The following MON2 variants were observed in gnomAD, a reference collection of about 807,000 sequenced individuals.
The protein encoded by MON2 is MON2 regulator of endosome-to-Golgi trafficking, also known as protein MON2 homolog.
A neutral mutation model predicts 208.6 loss-of-function variants in MON2; 84 were observed. The observed-to-expected ratio is 0.40, with a 90% CI of 0.34 to 0.48. The LOEUF is 0.48. MON2 is among the 20% of genes least tolerant of loss of function. The probability of loss-of-function intolerance (pLI) is 0.59; values close to 1 mark genes in which losing one functional copy is unlikely to be tolerated. For missense variants in MON2, 1,611 were observed against 2,015.4 expected (o/e 0.80, Z 3.84); for synonymous variants, 660 against 694.0 (o/e 0.95, Z 0.77).
chr12:62,585,115 C>G (rs368280707), intron 32 of MON2, among the ~76,000 whole-genome samples, 179 bp from the exon 33 acceptor site: 4 of 43,368 alleles, frequency 9.2e-5, no homozygotes, highest in African/African-American at 4.1e-4. Flanking sequence ...ACACACAAAA[C>G]AAAAAAAAAC....
chr12:62,538,540 A>G (rs780826781), intron 19 of MON2, 35 bp downstream of exon 19: 1 of 1,332,262 alleles, frequency 7.5e-7, no homozygotes, highest in Non-Finnish European at 1.1e-6. Flanking sequence ...TAGATATGAT[A>G]CATTAGTTAT....
chr12:62,515,926 C>T (rs1280953105), intron 8 of MON2, among the ~76,000 whole-genome samples: 2 of 151,968 alleles, frequency 1.3e-5, no homozygotes, highest in Non-Finnish European at 2.9e-5. Context: ...ATGGTTTTAC[C>T]ACAATTAAAT....
intron 12 of MON2, among the ~76,000 whole-genome samples, chr12:62,534,566 T>TA (rs2072871873): frequency 8.1e-6 from 1 of 124,168 alleles, no homozygotes; most frequent in Non-Finnish European, 1.7e-5. Flanking sequence ...TATATATATA[T>TA]ATTTTATATA....
chr12:62,573,821 A>G (rs1386204781), intron 30 of MON2, among the ~76,000 whole-genome samples: 1 of 152,056 alleles, frequency 6.6e-6, no homozygotes, highest in African/African-American at 2.4e-5. Flanking sequence ...GGACACTGGA[A>G]CCAAAGGCCA....
intron 11 of MON2, among the ~76,000 whole-genome samples, chr12:62,529,641 A>G (rs1413804268): frequency 6.6e-6 from 1 of 152,174 alleles, no homozygotes; most frequent in Non-Finnish European, 1.5e-5. Context: ...TTGTACAACC[A>G]TTACTACTAC....
At chr12:62,591,825 T>C (rs1426683254) in intron 34 of MON2, among the ~76,000 whole-genome samples, 1 of 152,226 alleles carries the variant, frequency 6.6e-6, no homozygotes, top group Non-Finnish European at 1.5e-5. Context: ...TCTTTAATAC[T>C]ATAATGCCTC....
At position 62,560,639 on chromosome 12, in the gene MON2, G is replaced by GAC; in HGVS notation, c.3561_3562dup (p.Pro1188HisfsTer4). 3.7e-6 allele frequency: 6 copies of GAC among 1,614,048 alleles called. No homozygotes were observed. Among genetic ancestry groups the GAC allele is most frequent in the Non-Finnish European group, 5.1e-6 (6 of 1,180,006 alleles). ...CTGTCAGAGACTCAGATAAGCCTGA[G>GAC]ACACCACCTGTAGTTAATGTACCTG... On this transcript the variant is annotated frameshift_variant, in exon 26 of 35. Transcript: ENST00000393630. LOFTEE classifies it high-confidence loss of function.
intron 2 of MON2, among the ~76,000 whole-genome samples, chr12:62,490,495 G>A (rs943781904): frequency 3.3e-5 from 5 of 151,946 alleles, no homozygotes; most frequent in African/African-American, 1.2e-4. Flanking sequence ...TATTATTAAA[G>A]TTATTGTGGA....
intron 8 of MON2, among the ~76,000 whole-genome samples, chr12:62,518,453 T>C (rs1186320448): frequency 6.6e-6 from 1 of 152,142 alleles, no homozygotes; most frequent in African/African-American, 2.4e-5. Context: ...ACTGGGGTGT[T>C]AACTAATTTT....
chr12:62,539,291 G>A (rs370029763), intron 19 of MON2, among the ~76,000 whole-genome samples: 109 of 148,750 alleles, frequency 7.3e-4, no homozygotes, highest in East Asian at 1.4e-3. Flanking sequence ...TTTTTGAAAC[G>A]GAGTCTCGCC....
At chr12:62,591,846 GACTTGTTTCACAAAATTTTA>G (rs1436856189) in intron 34 of MON2, among the ~76,000 whole-genome samples, 1 of 152,062 alleles carries the variant, frequency 6.6e-6, no homozygotes, top group Non-Finnish European at 1.5e-5. Context: ...TTAGATTTGA[GACTTGTTTCACAAAATTTTA>G]AAAATACCTA....
In MON2 at chr12:62,560,699, C is replaced by T; in HGVS notation, c.3618C>T (p.Ser1206=). The change falls in exon 26 of 35, where the codon AGC becomes AGT. Residue 1206 remains serine, a synonymous_variant. Transcript: ENST00000393630. Reference sequence around the variant, plus strand: ...TTATAGGGCCCATATCAGGCATGAGCAGGCCATTTGTAAGAACAGATTCCA... The same window carrying T: ...TTATAGGGCCCATATCAGGCATGAGTAGGCCATTTGTAAGAACAGATTCCA... ...PVLIGPISGM[S]RPFVRTDSIG... is the part of the protein sequence containing the mutation. The T allele has an allele frequency of 1.2e-6, 2 of 1,614,020 alleles. No individual in the cohort carries two copies. The highest frequency in any genetic ancestry group is 2.2e-5 in the East Asian group (1 of 44,860).
At chr12:62,559,787 A>G (rs1416217005) in intron 25 of MON2, 3 of 145,638 alleles carry the variant, frequency 2.1e-5, no homozygotes, top group Non-Finnish European at 4.6e-5. Context: ...AAAAAAAAAA[A>G]GAAAAAAATT....
intron 23 of MON2, 43 bp downstream of exon 23, chr12:62,549,873 A>G: frequency 1.5e-6 from 2 of 1,313,084 alleles, no homozygotes; most frequent in African/African-American, 1.5e-5. Context: ...TTTAGAAATC[A>G]TTGTTATTCA....
chr12:62,565,246 G>T lies in MON2; in HGVS notation c.4042G>T (p.Val1348Leu). ...TATTTTGCTTTTATAGGCCATTTGT[G>T]TAGGACCAGAAAACATGCAGATAAT... ...ALDVLQKAIC[V>L]GPENMQIMYP... The change falls in exon 27 of 35, where the codon GTA becomes TTA. Residue 1348 changes from valine to leucine, a missense_variant. Physicochemically the swap from Val to Leu is conservative, Grantham distance 32. Transcript: ENST00000393630. 1.2e-6 allele frequency: 2 copies of T among 1,612,260 alleles called. No individual in the cohort carries two copies. The highest frequency in any genetic ancestry group is 1.1e-5 in the South Asian group (1 of 90,850).
At chr12:62,471,565 T>C (rs11174498) in intron 1 of MON2, among the ~76,000 whole-genome samples, 18,289 of 152,150 alleles carry the variant, frequency 0.12, 1,385 homozygotes, top group Middle Eastern at 0.26. Flanking sequence ...GTTTGGCACT[T>C]AAGAGGGAAG....
intron 2 of MON2, among the ~76,000 whole-genome samples, chr12:62,491,413 A>G (rs1466265796): frequency 6.6e-6 from 1 of 152,202 alleles, no homozygotes; most frequent in Non-Finnish European, 1.5e-5. Context: ...TTGTTGTGAT[A>G]CTATGGGTAT....
chr12:62,481,151 CCAT>C (rs2069403531), intron 1 of MON2, among the ~76,000 whole-genome samples: 1 of 152,142 alleles, frequency 6.6e-6, no homozygotes, highest in African/African-American at 2.4e-5. Context: ...TTGGGCCAAT[CCAT>C]CATCATCTCT....
At chr12:62,549,923 T>C in intron 23 of MON2, 93 bp downstream of exon 23, 1 of 763,434 alleles carries the variant, frequency 1.3e-6, no homozygotes, top group East Asian at 3.2e-5. Context: ...TTTAGCTCTT[T>C]GCAAATTGTT....
Sources: allele counts gnomAD v4.1 joint callset (sites outside exome capture counted in the v4.1 genomes callset), GRCh38; gene constraint gnomAD v4.1.1; transcripts MANE v1.5; gene names NCBI Gene and HGNC (gene_info 2026-07-23, HGNC 2026-07-21).